Variants in KIRREL3 observed in about 807,000 individuals in gnomAD.
KIRREL3 encodes kirre like nephrin family adhesion molecule 3, also known as kin of IRRE-like protein 3.
In KIRREL3, 36 loss-of-function variants were observed where a neutral mutation model predicts 89.7. The observed-to-expected ratio is 0.40, with a 90% CI of 0.31 to 0.53. KIRREL3 has a LOEUF of 0.53. KIRREL3 is among the 20% of genes least tolerant of loss of function. The pLI is 0.49. For missense variants in KIRREL3, 864 were observed against 1,056.6 expected, an observed-to-expected ratio of 0.82 and a Z score of 2.53; for synonymous variants, 445 against 441.4, an observed-to-expected ratio of 1.01 and a Z score of -0.10.
At chr11:126,625,569 T>C (rs1469061500) in intron 1 of KIRREL3, among the ~76,000 whole-genome samples, 1 of 152,158 alleles carries the variant, frequency 6.6e-6, no homozygotes, top group African/African-American at 2.4e-5. Flanking sequence ...TCAGCCCCTC[T>C]CTGCTGACAG....
intron 1 of KIRREL3, among the ~76,000 whole-genome samples, chr11:126,928,813 A>C (rs2135039976): frequency 6.6e-6 from 1 of 152,268 alleles, no homozygotes; most frequent in South Asian, 2.1e-4. Flanking sequence ...GGGAAGAATT[A>C]AGTTAAGTTT....
rs1296980570 is a variant in KIRREL3 at position 126,814,055 on chromosome 11, A to G, written c.55+186400T>C. Among the ~76,000 whole-genome samples the G allele has an allele frequency of 6.6e-6, 1 of 152,162 alleles. No individual in the cohort carries two copies. Among genetic ancestry groups the G allele is most frequent in the Non-Finnish European group, 1.5e-5 (1 of 68,026 alleles). On this transcript the variant is annotated intron_variant, in intron 1 of 16. Transcript: ENST00000525144. This position sits in a 1 kb window ranked among gnomAD's most constrained non-coding sequence, Gnocchi z 4.4. ...TATCCAGAGTCTACAAGGAACTTAAATTTACAAGAAAAAAAAACCCGGTTA... is the reference window on the plus strand; with the variant it reads ...TATCCAGAGTCTACAAGGAACTTAAGTTTACAAGAAAAAAAAACCCGGTTA...
chr11:126,437,786 C>T (rs1243015835), intron 11 of KIRREL3, among the ~76,000 whole-genome samples: 1 of 152,122 alleles, frequency 6.6e-6, no homozygotes, highest in East Asian at 1.9e-4. Flanking sequence ...ACAATACAAG[C>T]ATGCTTACAC....
chr11:126,581,040 C>T (rs1177119553), intron 1 of KIRREL3, among the ~76,000 whole-genome samples: 1 of 152,070 alleles, frequency 6.6e-6, no homozygotes, highest in Non-Finnish European at 1.5e-5. Context: ...TCAAACCATG[C>T]CTGCAATGCC....
intron 1 of KIRREL3, among the ~76,000 whole-genome samples, chr11:126,930,526 G>A (rs1646427625): frequency 6.6e-6 from 1 of 152,184 alleles, no homozygotes; most frequent in South Asian, 2.1e-4. Flanking sequence ...TGCATCAGGA[G>A]GGTTCTCCTT....
chr11:126,861,769 G>C lies in KIRREL3; in HGVS notation c.55+138686C>G, dbSNP rs138337318. 2.6e-5 allele frequency among the ~76,000 whole-genome samples: 4 copies of C among 152,338 alleles called. No individual in the cohort carries two copies. The South Asian group carries it at 8.3e-4, about 32-fold the overall frequency. ...TGCATTTAGCTGTTATGAATTCTCT[G>C]CTGACCTGGATCTGAAGTGGAGTGT... On this transcript the variant is annotated intron_variant, in intron 1 of 16. Transcript: ENST00000525144.
chr11:126,660,796 C>T (rs893984510), intron 1 of KIRREL3, among the ~76,000 whole-genome samples: 30 of 152,190 alleles, frequency 2.0e-4, no homozygotes, highest in African/African-American at 7.2e-4. Context: ...AAGGATGAAG[C>T]CATTCCAAGA....
chr11:126,733,793 A>C (rs560548466), intron 1 of KIRREL3, among the ~76,000 whole-genome samples: 2 of 152,064 alleles, frequency 1.3e-5, no homozygotes, highest in African/African-American at 2.4e-5. Context: ...CTGCTTTTTT[A>C]GAAAAAAATT....
chr11:126,479,031 T>C (rs1310600058), intron 4 of KIRREL3, among the ~76,000 whole-genome samples: 1 of 152,176 alleles, frequency 6.6e-6, no homozygotes, highest in Non-Finnish European at 1.5e-5. Flanking sequence ...TCCTCTGATT[T>C]GTCTGGAACA....
chr11:126,633,564 T>C (rs1944139535), intron 1 of KIRREL3, among the ~76,000 whole-genome samples: 1 of 152,160 alleles, frequency 6.6e-6, no homozygotes, highest in African/African-American at 2.4e-5. Context: ...TCTCTTGCTC[T>C]GTGATCTGCA....
At chr11:126,442,481 G>A (rs1039999530) in intron 10 of KIRREL3, among the ~76,000 whole-genome samples, 2 of 152,308 alleles carry the variant, frequency 1.3e-5, no homozygotes, top group East Asian at 1.9e-4. Flanking sequence ...GAAATGGGGT[G>A]AGGGTTAGTA....
chr11:126,736,904 A>G lies in KIRREL3; in HGVS notation c.56-173992T>C, dbSNP rs140506868. 1.0e-3 allele frequency among the ~76,000 whole-genome samples: 158 copies of G among 152,312 alleles called. 1 individual carries two copies. Among genetic ancestry groups the G allele is most frequent in the African/African-American group, 3.8e-3 (156 of 41,574 alleles). On this transcript the variant is annotated intron_variant, in intron 1 of 16. Transcript: ENST00000525144. This position sits in a 1 kb window ranked among gnomAD's most constrained non-coding sequence, Gnocchi z 5.0. The stretch of plus-strand genomic sequence containing the variant: ...AAGGGAGTGCCCCAGACTGGCTGTC[A>G]CAAGCATGGTGTGGAAAGGTCCTAC...
chr11:126,680,185 C>T (rs566024638), intron 1 of KIRREL3, among the ~76,000 whole-genome samples: 1 of 152,206 alleles, frequency 6.6e-6, no homozygotes, highest in East Asian at 1.9e-4. Context: ...ATAACAGATG[C>T]TCAGTAAAGA....
intron 4 of KIRREL3, among the ~76,000 whole-genome samples, chr11:126,487,464 C>G (rs1957396231): frequency 6.6e-6 from 1 of 152,210 alleles, no homozygotes; most frequent in Non-Finnish European, 1.5e-5. Context: ...GCTACAAACA[C>G]TCATTTCAGG....
rs10750337 is a variant in KIRREL3 at position 126,744,055 on chromosome 11, A to T, written c.56-181143T>A. Among the ~76,000 whole-genome samples, 105,106 of 151,982 alleles carry T rather than the reference A, an allele frequency of 0.69. 36,719 individuals are homozygous for T. Among genetic ancestry groups the T allele is most frequent in the East Asian group, 0.86 (4,439 of 5,144 alleles). ...TGGGCAGAATTTTGATAAGCAGAAA[A>T]GAAGAGGAGCAGAAAATGTTCCAGA... On this transcript the variant is annotated intron_variant, in intron 1 of 16. Coordinates refer to ENST00000525144, the MANE Select transcript of KIRREL3 (RefSeq NM_032531.4). The surrounding 1 kb of genome is among the most constrained non-coding windows in gnomAD (Gnocchi z 4.7).
At chr11:126,963,979 A>G (rs570007677) in intron 1 of KIRREL3, among the ~76,000 whole-genome samples, 1 of 152,300 alleles carries the variant, frequency 6.6e-6, no homozygotes, top group African/African-American at 2.4e-5. Flanking sequence ...GGTACAGAAA[A>G]AATTAGAAAG....
At position 126,872,653 on chromosome 11, in the gene KIRREL3, T is replaced by C. The variant is rs542099202; in HGVS notation, c.55+127802A>G. 6.6e-6 allele frequency among the ~76,000 whole-genome samples: 1 copy of C among 152,366 alleles called. No individual in the cohort carries two copies. The highest frequency in any genetic ancestry group is 2.4e-5 in the African/African-American group (1 of 41,588). ...AAAATGCTCCAGAGTGTCTATCTTT[T>C]CTTTCTCTGTCTCCCTCCTATCCCA... is the stretch of plus-strand genomic sequence containing the variant. On this transcript the variant is annotated intron_variant, in intron 1 of 16. Transcript: ENST00000525144. This position sits in a 1 kb window ranked among gnomAD's most constrained non-coding sequence, Gnocchi z 4.2.
chr11:126,580,704 G>A (rs1047218706), intron 1 of KIRREL3, among the ~76,000 whole-genome samples: 2 of 152,148 alleles, frequency 1.3e-5, no homozygotes, highest in African/African-American at 4.8e-5. Context: ...GCAGGGCCAC[G>A]TGTGGGCCAG....
Position 127,000,380 on chromosome 11 carries a change from G to GTTCCTGCCCACT in KIRREL3, c.55+74_55+75insAGTGGGCAGGAA, listed in dbSNP as rs1244965462. 4.9e-5 allele frequency: 64 copies of GTTCCTGCCCACT among 1,305,296 alleles called. No homozygotes were observed. Among genetic ancestry groups the GTTCCTGCCCACT allele is most frequent in the Non-Finnish European group, 6.6e-5 (62 of 937,918 alleles). The allele number at this position is 1,305,296 out of a possible 1,614,324, so 80.9% of individuals were successfully genotyped here. A position where few individuals can be genotyped will look rare whatever the true frequency, so the allele number is the denominator to read the frequency against. On this transcript the variant is annotated intron_variant, in intron 1 of 16. Transcript: ENST00000525144. This position sits in a 1 kb window ranked among gnomAD's most constrained non-coding sequence, Gnocchi z 7.1. ...GTCCGAGTTCCCGAAGCCTGCCCACGTTCCTGCCCACAGCCTCCCGCGCCC... is the reference window on the plus strand; with the variant it reads ...GTCCGAGTTCCCGAAGCCTGCCCACGTTCCTGCCCACTTTCCTGCCCACAGCCTCCCGCGCCC...
Sources: allele counts gnomAD v4.1 joint callset (sites outside exome capture counted in the v4.1 genomes callset), GRCh38; gene constraint gnomAD v4.1.1; non-coding constraint Gnocchi (gnomAD v3.1); transcripts MANE v1.5; gene names NCBI Gene and HGNC (gene_info 2026-07-23, HGNC 2026-07-21).